ZNF438: variants seen among roughly 807,000 people sequenced by gnomAD.
ZNF438 encodes zinc finger protein 438.
A neutral mutation model predicts 38.0 loss-of-function variants in ZNF438; 25 were observed. That is an observed-to-expected ratio of 0.66 (90% CI 0.48 to 0.92). ZNF438 has a LOEUF of 0.92. Ranked by LOEUF, ZNF438 falls within the 40% of genes least tolerant of loss-of-function variation. ZNF438 has a pLI of 0.00. For missense variants in ZNF438, 1,007 were observed against 999.6 expected, an observed-to-expected ratio of 1.01 and a Z score of -0.10; for synonymous variants, 372 against 364.1, an observed-to-expected ratio of 1.02 and a Z score of -0.25.
intron 3 of ZNF438, among the ~76,000 whole-genome samples, chr10:30,890,676 A>T (rs1277138997): frequency 2.0e-5 from 3 of 152,226 alleles, no homozygotes; most frequent in African/African-American, 7.2e-5. Flanking sequence ...TTTACTTTGC[A>T]ATCTAAAAAA....
intron 1 of ZNF438, among the ~76,000 whole-genome samples, chr10:31,029,849 CTG>C (rs1207309378): frequency 6.6e-6 from 1 of 152,226 alleles, no homozygotes; most frequent in East Asian, 1.9e-4. Flanking sequence ...AACACTCTCA[CTG>C]TGTCTGGACC....
At chr10:30,987,104 T>C (rs2052898319) in intron 1 of ZNF438, among the ~76,000 whole-genome samples, 1 of 152,094 alleles carries the variant, frequency 6.6e-6, no homozygotes, top group Admixed American at 6.5e-5. Context: ...CCACAAAAGA[T>C]GTGACATTCT....
chr10:30,940,181 A>G (rs979352021), intron 2 of ZNF438, among the ~76,000 whole-genome samples: 3 of 152,244 alleles, frequency 2.0e-5, no homozygotes, highest in African/African-American at 7.2e-5. Flanking sequence ...AATTTATTAC[A>G]TAAATATTTA....
chr10:30,951,297 G>A (rs2048162826), intron 1 of ZNF438, among the ~76,000 whole-genome samples: 2 of 149,528 alleles, frequency 1.3e-5, no homozygotes, highest in South Asian at 4.2e-4. Context: ...ATATCATACT[G>A]AATGGGCAAA....
intron 3 of ZNF438, 44 bp from the exon 5 acceptor site, chr10:30,877,109 A>G: frequency 8.0e-7 from 1 of 1,253,520 alleles, no homozygotes; most frequent in Non-Finnish European, 1.1e-6. Flanking sequence ...AGTAATTGAG[A>G]GAGCATGTTA....
chr10:31,028,671 G>A (rs2057093489), intron 1 of ZNF438, among the ~76,000 whole-genome samples: 1 of 152,056 alleles, frequency 6.6e-6, no homozygotes, highest in South Asian at 2.1e-4. Flanking sequence ...TATTCCCACA[G>A]GTTTTTCCTC....
Position 30,979,586 on chromosome 10 carries a change from C to A in ZNF438, c.-191-37935G>T, listed in dbSNP as rs190775885. On this transcript the variant is annotated intron_variant, in intron 1 of 5. Transcript: ENST00000413025. Reference sequence around the variant, plus strand: ...AGATACATAGACCAATGGAACAGAACAGAGGCCTCAGAAATAACATCATGC... The same window carrying A: ...AGATACATAGACCAATGGAACAGAAAAGAGGCCTCAGAAATAACATCATGC... Among the ~76,000 whole-genome samples, 25 of 152,326 alleles carry A rather than the reference C, an allele frequency of 1.6e-4. No homozygotes were observed. In the East Asian group the frequency reaches 4.8e-3, roughly 29 times the overall value.
intron 5 of ZNF438, 54 bp from the exon 7 acceptor site, chr10:30,845,627 A>G (rs2031822682): frequency 1.3e-6 from 2 of 1,558,358 alleles, no homozygotes; most frequent in Non-Finnish European, 1.7e-6. Flanking sequence ...TGCAATTGGA[A>G]TCTTTCCTCT....
chr10:30,943,297 T>C (rs1249492313), intron 1 of ZNF438, among the ~76,000 whole-genome samples: 1 of 152,016 alleles, frequency 6.6e-6, no homozygotes, highest in Non-Finnish European at 1.5e-5. Context: ...AATACAAACA[T>C]TTGTGTGTAA....
intron 2 of ZNF438, among the ~76,000 whole-genome samples, chr10:30,909,839 T>C (rs2042910517): frequency 6.6e-6 from 1 of 152,236 alleles, no homozygotes; most frequent in Non-Finnish European, 1.5e-5. Flanking sequence ...CTAAAAATAT[T>C]CTTTCAAGCT....
intron 1 of ZNF438, among the ~76,000 whole-genome samples, chr10:30,962,429 A>G (rs911216436): frequency 1.4e-5 from 2 of 147,564 alleles, no homozygotes; most frequent in Non-Finnish European, 3.1e-5. Flanking sequence ...AACTTGTTCT[A>G]TAAGAGATTT....
intron 4 of ZNF438, among the ~76,000 whole-genome samples, chr10:30,868,194 C>T (rs1173232524): frequency 6.6e-6 from 1 of 151,952 alleles, no homozygotes; most frequent in Non-Finnish European, 1.5e-5. Flanking sequence ...CTCAGCCTCC[C>T]AAGTAGCTGG....
chr10:31,022,985 C>T (rs763068217), intron 1 of ZNF438, among the ~76,000 whole-genome samples: 8 of 152,146 alleles, frequency 5.3e-5, no homozygotes, highest in Non-Finnish European at 1.0e-4. Context: ...TTAATAAAGA[C>T]GTGTCTGAGC....
intron 1 of ZNF438, among the ~76,000 whole-genome samples, chr10:31,028,793 C>A (rs1481238555): frequency 2.0e-5 from 3 of 152,138 alleles, no homozygotes; most frequent in Non-Finnish European, 2.9e-5. Context: ...ACAGCAGGCA[C>A]TGGATTAGGG....
At chr10:30,875,269 T>A (rs1325352410) in intron 4 of ZNF438, 1 of 985,316 alleles carries the variant, frequency 1.0e-6, no homozygotes, top group Non-Finnish European at 1.2e-6. Context: ...GTGTGAGTGC[T>A]TTCTCCCTCT....
chr10:30,981,566 G>A (rs2052150149), intron 1 of ZNF438, among the ~76,000 whole-genome samples: 1 of 152,124 alleles, frequency 6.6e-6, no homozygotes, highest in South Asian at 2.1e-4. Context: ...GATAATGTAA[G>A]TAAAGTGCCT....
chr10:30,931,412 T>C (rs893392704), intron 2 of ZNF438, among the ~76,000 whole-genome samples: 1 of 152,260 alleles, frequency 6.6e-6, no homozygotes, highest in African/African-American at 2.4e-5. Context: ...CTTTCTTTCA[T>C]TTGCAACTGA....
chr10:30,963,140 T>C (rs1328834577), intron 1 of ZNF438, among the ~76,000 whole-genome samples: 2 of 152,228 alleles, frequency 1.3e-5, no homozygotes, highest in South Asian at 2.1e-4. Context: ...CTCACACCTG[T>C]AAGCACTTTG....
chr10:31,016,694 T>A (rs2642190), intron 1 of ZNF438, among the ~76,000 whole-genome samples: 2 of 152,064 alleles, frequency 1.3e-5, no homozygotes, highest in Non-Finnish European at 2.9e-5. Flanking sequence ...CTAACAAGCC[T>A]CTTTTTTAAT....
Sources: allele counts gnomAD v4.1 joint callset (sites outside exome capture counted in the v4.1 genomes callset), GRCh38; gene constraint gnomAD v4.1.1; transcripts MANE v1.5; gene names NCBI Gene and HGNC (gene_info 2026-07-23, HGNC 2026-07-21).